IQCM: variants seen among roughly 807,000 people sequenced by gnomAD.
The protein encoded by IQCM is IQ domain-containing protein M.
In IQCM, 45 loss-of-function variants were observed where a neutral mutation model predicts 57.6. That is an observed-to-expected ratio of 0.78 (90% CI 0.62 to 1.00). The LOEUF is 1.00. Ranked by LOEUF, IQCM falls within the 50% of genes least tolerant of loss-of-function variation. The probability of loss-of-function intolerance (pLI) is 0.00; values close to 1 mark genes in which losing one functional copy is unlikely to be tolerated. For synonymous variants in IQCM, 148 were observed against 158.9 expected, an observed-to-expected ratio of 0.93 and a Z score of 0.51; for missense variants, 468 against 511.6, an observed-to-expected ratio of 0.91 and a Z score of 0.82.
chr4:149,481,039 G>A (rs925849547), intron 12 of IQCM, among the ~76,000 whole-genome samples: 1 of 152,026 alleles, frequency 6.6e-6, no homozygotes, highest in African/African-American at 2.4e-5. Context: ...ATGCCTGTTT[G>A]CCATTTGTAT....
At chr4:149,575,340 T>A (rs2149970194) in intron 9 of IQCM, among the ~76,000 whole-genome samples, 1 of 152,000 alleles carries the variant, frequency 6.6e-6, no homozygotes, top group Admixed American at 6.6e-5. Flanking sequence ...ATTCATCTTT[T>A]GTCTCATTAT....
Position 149,728,904 on chromosome 4 carries a change from T to C in IQCM, c.385+4340A>G, listed in dbSNP as rs141414860. Among the ~76,000 whole-genome samples the C allele has an allele frequency of 3.8e-3, 580 of 152,320 alleles. 10 individuals carry two copies. Among genetic ancestry groups the C allele is most frequent in the African/African-American group, 0.013 (547 of 41,584 alleles). The stretch of plus-strand genomic sequence containing the variant: ...CAGGACCTCCAGCTGCTGTGCAGTT[T>C]TATCCAACAAGTTCAGATGTGGCTC... On this transcript the variant is annotated intron_variant, in intron 5 of 13. Coordinates refer to ENST00000636793, the MANE Select transcript of IQCM (RefSeq NM_001363507.2).
At chr4:149,444,720 C>T (rs192168092) in intron 12 of IQCM, among the ~76,000 whole-genome samples, 1 of 151,182 alleles carries the variant, frequency 6.6e-6, no homozygotes, top group Admixed American at 6.6e-5. Context: ...TAAAATGAAT[C>T]GAAGGAAATA....
intron 5 of IQCM, among the ~76,000 whole-genome samples, chr4:149,720,106 GTTCT>G (rs1765325097): frequency 6.6e-6 from 1 of 152,184 alleles, no homozygotes; most frequent in South Asian, 2.1e-4. Flanking sequence ...CTCTGCCTGT[GTTCT>G]TTGTCAAGTA....
At chr4:149,741,889 C>A (rs1767490463) in intron 3 of IQCM, among the ~76,000 whole-genome samples, 1 of 152,106 alleles carries the variant, frequency 6.6e-6, no homozygotes, top group Admixed American at 6.6e-5. Context: ...AATAATTTTA[C>A]AATGTGTATA....
At chr4:149,729,732 T>C (rs899057867) in intron 5 of IQCM, among the ~76,000 whole-genome samples, 12 of 152,148 alleles carry the variant, frequency 7.9e-5, no homozygotes, top group African/African-American at 2.4e-4. Context: ...CTCCTTTGCA[T>C]CTTTGTTTCC....
chr4:149,441,155 T>C (rs1300646975), intron 12 of IQCM, among the ~76,000 whole-genome samples: 3 of 152,134 alleles, frequency 2.0e-5, no homozygotes, highest in Non-Finnish European at 4.4e-5. Context: ...TACTGAAGCA[T>C]GAAAATTCCT....
intron 13 of IQCM, among the ~76,000 whole-genome samples, chr4:149,360,574 T>C (rs1261400087): frequency 1.3e-5 from 2 of 152,132 alleles, no homozygotes; most frequent in Non-Finnish European, 2.9e-5. Context: ...GGGAGGTAAC[T>C]GAATCATGGG....
chr4:149,527,490 A>G lies in IQCM; in HGVS notation c.1228+20965T>C, dbSNP rs1376824994. Among the ~76,000 whole-genome samples, 3 of 152,344 alleles carry G rather than the reference A, an allele frequency of 2.0e-5. No homozygotes were observed. In the East Asian group the frequency reaches 5.8e-4, roughly 29 times the overall value. ...AGGCTGCCATCTGCAAGTCAGGAAG[A>G]GAGTCCTCACCAGACACTGAATTTG... On this transcript the variant is annotated intron_variant, in intron 12 of 13. Transcript: ENST00000636793.
At chr4:149,352,710 CT>C (rs1244407786) in intron 13 of IQCM, among the ~76,000 whole-genome samples, 2 of 152,036 alleles carry the variant, frequency 1.3e-5, no homozygotes, top group Non-Finnish European at 2.9e-5. Context: ...ACAGTATTGA[CT>C]TTTTTTACAT....
chr4:149,758,490 A>T (rs190238201), intron 2 of IQCM, among the ~76,000 whole-genome samples: 1 of 152,200 alleles, frequency 6.6e-6, no homozygotes, highest in Non-Finnish European at 1.5e-5. Flanking sequence ...ATATTTTATT[A>T]AAATAAAAAC....
chr4:149,600,838 A>G (rs945236862), intron 8 of IQCM, among the ~76,000 whole-genome samples: 25 of 152,230 alleles, frequency 1.6e-4, no homozygotes, highest in Non-Finnish European at 3.4e-4. Context: ...AGATTAATCC[A>G]TCTGGGTGAA....
intron 7 of IQCM, among the ~76,000 whole-genome samples, chr4:149,670,395 T>C (rs1010562248): frequency 1.3e-5 from 2 of 152,178 alleles, no homozygotes; most frequent in Non-Finnish European, 2.9e-5. Flanking sequence ...GATGGGGTTT[T>C]CTAAATATAC....
intron 8 of IQCM, among the ~76,000 whole-genome samples, chr4:149,596,633 T>A (rs1753806297): frequency 6.6e-6 from 1 of 152,142 alleles, no homozygotes; most frequent in African/African-American, 2.4e-5. Context: ...TGAGACCACA[T>A]ACACACTGTG....
At chr4:149,459,012 T>C (rs1001242556) in intron 12 of IQCM, among the ~76,000 whole-genome samples, 48 of 152,198 alleles carry the variant, frequency 3.2e-4, no homozygotes, top group African/African-American at 1.1e-3. Flanking sequence ...CACTAGGTTA[T>C]AGTGCAGTGG....
chr4:149,440,549 C>T (rs1406147224), intron 12 of IQCM, among the ~76,000 whole-genome samples: 1 of 152,058 alleles, frequency 6.6e-6, no homozygotes, highest in Non-Finnish European at 1.5e-5. Context: ...ACAAGCTTAG[C>T]TTTATGCATT....
intron 12 of IQCM, among the ~76,000 whole-genome samples, chr4:149,495,793 G>T (rs950622759): frequency 6.6e-6 from 1 of 151,926 alleles, no homozygotes; most frequent in African/African-American, 2.4e-5. Flanking sequence ...GAAAAGTTTG[G>T]GAAAATACTT....
At chr4:149,430,015 A>C in intron 13 of IQCM, 2 of 1,229,056 alleles carry the variant, frequency 1.6e-6, no homozygotes, top group Non-Finnish European at 2.0e-6. Context: ...CCTTCTGATA[A>C]TTTCAGGTGG....
At chr4:149,768,412 G>A (rs1310959668) in intron 2 of IQCM, among the ~76,000 whole-genome samples, 3 of 151,946 alleles carry the variant, frequency 2.0e-5, no homozygotes. Context: ...ATTGGATTAT[G>A]GATAAGTACA....
Sources: allele counts gnomAD v4.1 joint callset (sites outside exome capture counted in the v4.1 genomes callset), GRCh38; gene constraint gnomAD v4.1.1; transcripts MANE v1.5; gene names NCBI Gene and HGNC (gene_info 2026-07-23, HGNC 2026-07-21).